Variants in SPAG16 observed in about 807,000 individuals in gnomAD.
The protein encoded by SPAG16 is sperm associated antigen 16.
SPAG16 carries 86 observed loss-of-function variants against 80.4 expected under a neutral mutation model. The ratio of observed to expected loss-of-function variants is 1.07; its 90% CI spans 0.90 to 1.28. SPAG16 has a LOEUF of 1.28. Among genes scored for constraint, SPAG16 ranks in the 50% most tolerant of loss-of-function variants. SPAG16 has a pLI of 0.00. For missense variants in SPAG16, 870 were observed against 765.3 expected, an observed-to-expected ratio of 1.14 and a Z score of -1.61; for synonymous variants, 294 against 265.9, an observed-to-expected ratio of 1.11 and a Z score of -1.03.
chr2:213,651,301 G>C (rs1346970643), intron 10 of SPAG16, among the ~76,000 whole-genome samples: 2 of 152,148 alleles, frequency 1.3e-5, no homozygotes, highest in African/African-American at 2.4e-5. Flanking sequence ...GAAGGAAAAA[G>C]AAGGATGTAA....
intron 10 of SPAG16, among the ~76,000 whole-genome samples, chr2:213,527,475 T>A (rs1457062294): frequency 6.6e-6 from 1 of 152,214 alleles, no homozygotes; most frequent in Non-Finnish European, 1.5e-5. Flanking sequence ...AGGAGAGGAA[T>A]TTAGCATCTT....
intron 12 of SPAG16, among the ~76,000 whole-genome samples, chr2:213,981,257 A>G (rs927882504): frequency 1.4e-4 from 21 of 152,178 alleles, no homozygotes; most frequent in African/African-American, 5.1e-4. Flanking sequence ...TCAATTCCTT[A>G]TTCTAAATCA....
chr2:214,095,178 T>C (rs2052501942), intron 13 of SPAG16, among the ~76,000 whole-genome samples: 1 of 152,038 alleles, frequency 6.6e-6, no homozygotes, highest in South Asian at 2.1e-4. Flanking sequence ...TTTATCAAAG[T>C]CCCTACATTG....
intron 10 of SPAG16, among the ~76,000 whole-genome samples, chr2:213,603,361 G>A (rs948187460): frequency 6.6e-6 from 1 of 152,144 alleles, no homozygotes; most frequent in East Asian, 1.9e-4. Flanking sequence ...ATGCTTATAC[G>A]CATTTTCCGT....
At chr2:213,377,467 T>C (rs1233452663) in intron 9 of SPAG16, among the ~76,000 whole-genome samples, 1 of 152,120 alleles carries the variant, frequency 6.6e-6, no homozygotes, top group Non-Finnish European at 1.5e-5. Context: ...CAAAACACAA[T>C]CTCAAATCAG....
intron 9 of SPAG16, among the ~76,000 whole-genome samples, chr2:213,446,105 C>CA (rs1293508636): frequency 2.6e-5 from 4 of 152,194 alleles, no homozygotes; most frequent in Non-Finnish European, 5.9e-5. Context: ...ATTCCAAAGA[C>CA]AGAGACTCCA....
chr2:214,235,922 G>T (rs1237646705), intron 15 of SPAG16, among the ~76,000 whole-genome samples: 2 of 152,000 alleles, frequency 1.3e-5, no homozygotes, highest in East Asian at 3.9e-4. Context: ...CTATCTCTTA[G>T]CTTATTTTGA....
intron 7 of SPAG16, among the ~76,000 whole-genome samples, chr2:213,360,598 A>G (rs752682836): frequency 2.0e-5 from 3 of 152,230 alleles, no homozygotes; most frequent in Non-Finnish European, 4.4e-5. Context: ...CTTACAAAGA[A>G]TGATTTATTG....
chr2:213,622,787 A>G (rs1246967517), intron 10 of SPAG16, among the ~76,000 whole-genome samples: 1 of 152,140 alleles, frequency 6.6e-6, no homozygotes. Flanking sequence ...TTTTTGGTAG[A>G]AAAAATTAGG....
intron 10 of SPAG16, among the ~76,000 whole-genome samples, chr2:213,858,076 T>C (rs558460841): frequency 6.6e-6 from 1 of 152,206 alleles, no homozygotes; most frequent in African/African-American, 2.4e-5. Flanking sequence ...AAGTAGTTTC[T>C]TGGGATGGAA....
chr2:213,709,733 C>T (rs2065904389), intron 10 of SPAG16, among the ~76,000 whole-genome samples: 2 of 151,982 alleles, frequency 1.3e-5, no homozygotes, highest in Non-Finnish European at 2.9e-5. Flanking sequence ...ACCTGATGCC[C>T]CATCCTCCAG....
chr2:214,173,406 G>T (rs1013243030), intron 15 of SPAG16, among the ~76,000 whole-genome samples: 13 of 152,126 alleles, frequency 8.5e-5, no homozygotes, highest in African/African-American at 2.9e-4. Flanking sequence ...TCAGATAATT[G>T]TAGATATGCG....
chr2:213,611,169 G>A (rs960149588), intron 10 of SPAG16, among the ~76,000 whole-genome samples: 2 of 152,132 alleles, frequency 1.3e-5, no homozygotes, highest in African/African-American at 4.8e-5. Flanking sequence ...TCCCTCATGT[G>A]TTGTCCCTCC....
At chr2:213,909,921 G>C (rs2077590236) in intron 11 of SPAG16, among the ~76,000 whole-genome samples, 1 of 152,036 alleles carries the variant, frequency 6.6e-6, no homozygotes, top group Non-Finnish European at 1.5e-5. Context: ...AGATTGGAGG[G>C]TTTTCACAAA....
At chr2:213,829,126 T>A (rs2073471563) in intron 10 of SPAG16, among the ~76,000 whole-genome samples, 1 of 152,164 alleles carries the variant, frequency 6.6e-6, no homozygotes, top group African/African-American at 2.4e-5. Flanking sequence ...GAGAAACAAG[T>A]TCTCCTGGGC....
At chr2:214,148,264 C>G (rs1294696770) in intron 14 of SPAG16, among the ~76,000 whole-genome samples, 1 of 152,056 alleles carries the variant, frequency 6.6e-6, no homozygotes, top group Non-Finnish European at 1.5e-5. Flanking sequence ...ATTTCTGTCA[C>G]AAAGTAGATG....
chr2:213,697,412 G>C (rs2065203328), intron 10 of SPAG16, among the ~76,000 whole-genome samples: 1 of 152,140 alleles, frequency 6.6e-6, no homozygotes, highest in Non-Finnish European at 1.5e-5. Flanking sequence ...TGCACAATGT[G>C]ATAGGCTGAA....
chr2:214,173,365 C>T (rs562047533), intron 15 of SPAG16, among the ~76,000 whole-genome samples: 17 of 152,102 alleles, frequency 1.1e-4, no homozygotes, highest in South Asian at 2.1e-4. Flanking sequence ...ATCCTTTCCC[C>T]GTTGCTTGTT....
intron 15 of SPAG16, among the ~76,000 whole-genome samples, chr2:214,197,336 A>G (rs1214938453): frequency 7.9e-5 from 12 of 152,038 alleles, no homozygotes; most frequent in Non-Finnish European, 5.9e-5. Context: ...TTTGGCGTTA[A>G]TATCATTTTT....
Sources: gnomAD v4.1 joint callset for allele counts (sites outside exome capture counted in the v4.1 genomes callset) on GRCh38, gnomAD v4.1.1 for gene constraint, MANE v1.5 for transcripts, NCBI Gene and HGNC (gene_info 2026-07-23, HGNC 2026-07-21) for gene names.